The following DLG2 variants were observed in gnomAD, a reference collection of about 807,000 sequenced individuals.
DLG2 encodes the protein disks large homolog 2.
In DLG2, 45 loss-of-function variants were observed where a neutral mutation model predicts 132.5. That is an observed-to-expected ratio of 0.34 (90% CI 0.27 to 0.44). The LOEUF is 0.44. Ranked by LOEUF, DLG2 falls within the 20% of genes least tolerant of loss-of-function variation. DLG2 has a pLI of 1.00. For synonymous variants in DLG2, 424 were observed against 419.6 expected, an observed-to-expected ratio of 1.01 and a Z score of -0.13; for missense variants, 1,045 against 1,196.9, an observed-to-expected ratio of 0.87 and a Z score of 1.87.
At position 84,759,528 on chromosome 11, in the gene DLG2, A is replaced by G. The variant is rs75795077; in HGVS notation, c.358-224797T>C. On this transcript the variant is annotated intron_variant, in intron 6 of 27. Transcript: ENST00000376104. ...GAGGCTTGAGCGTTTATGATAATCT[A>G]TCTTCTTTCATTTAAATCAAACAAT... Among the ~76,000 whole-genome samples, 67 of 152,316 alleles carry G rather than the reference A, an allele frequency of 4.4e-4. No individual in the cohort carries two copies. The East Asian group carries it at 0.011, about 25-fold the overall frequency.
chr11:83,461,974 C>A (rs376645412), intron 27 of DLG2, 28 bp downstream of exon 27: 56 of 1,464,942 alleles, frequency 3.8e-5, no homozygotes, highest in Non-Finnish European at 4.5e-5. Context: ...TCCCCTTTCT[C>A]ACACTACCAG....
chr11:85,354,232 T>C (rs2083517081), intron 3 of DLG2, among the ~76,000 whole-genome samples: 1 of 152,092 alleles, frequency 6.6e-6, no homozygotes, highest in Admixed American at 6.6e-5. Context: ...TCTCATGTCT[T>C]TGAATAATTT....
intron 9 of DLG2, among the ~76,000 whole-genome samples, chr11:84,158,686 G>C (rs1019206369): frequency 3.3e-5 from 5 of 152,178 alleles, no homozygotes; most frequent in African/African-American, 1.2e-4. Context: ...AAAAGTATAA[G>C]CTGTAAATGC....
chr11:84,153,912 G>A (rs2095365637), intron 9 of DLG2, among the ~76,000 whole-genome samples: 1 of 152,212 alleles, frequency 6.6e-6, no homozygotes, highest in Non-Finnish European at 1.5e-5. Context: ...TTTTTGAATT[G>A]CCAGAGTTTA....
At chr11:85,567,577 T>C (rs550988367) in intron 3 of DLG2, among the ~76,000 whole-genome samples, 27 of 152,302 alleles carry the variant, frequency 1.8e-4, no homozygotes, top group African/African-American at 6.5e-4. Context: ...TCATGTAATC[T>C]GGGAATTTAT....
chr11:83,689,923 T>G (rs1199091713), intron 18 of DLG2, among the ~76,000 whole-genome samples: 1 of 144,324 alleles, frequency 6.9e-6, no homozygotes, highest in Non-Finnish European at 1.5e-5. Flanking sequence ...TATTATATAT[T>G]TACATAAATA....
At chr11:85,054,096 C>A (rs765080597) in intron 6 of DLG2, among the ~76,000 whole-genome samples, 2 of 151,756 alleles carry the variant, frequency 1.3e-5, no homozygotes, top group Non-Finnish European at 2.9e-5. Context: ...GAAACCACAT[C>A]TCTAATAAAA....
chr11:85,605,111 A>G (rs1177464889), intron 2 of DLG2, among the ~76,000 whole-genome samples: 1 of 152,222 alleles, frequency 6.6e-6, no homozygotes, highest in East Asian at 1.9e-4. Context: ...TCTATTCAAC[A>G]TTTTTACAGT....
At chr11:83,916,899 G>A (rs1381635758) in intron 15 of DLG2, among the ~76,000 whole-genome samples, 1 of 152,172 alleles carries the variant, frequency 6.6e-6, no homozygotes, top group South Asian at 2.1e-4. Flanking sequence ...TGCTATATCC[G>A]TCACAGACTA....
intron 4 of DLG2, among the ~76,000 whole-genome samples, chr11:85,207,885 T>C (rs1197125975): frequency 6.6e-6 from 1 of 151,774 alleles, no homozygotes; most frequent in Admixed American, 6.6e-5. Flanking sequence ...TGCCCTTTCA[T>C]GCCCTCTACA....
intron 6 of DLG2, among the ~76,000 whole-genome samples, chr11:84,927,859 T>C (rs2047585538): frequency 6.6e-6 from 1 of 151,948 alleles, no homozygotes; most frequent in Non-Finnish European, 1.5e-5. Flanking sequence ...TCAGTGTATG[T>C]TAGGAATTTG....
intron 6 of DLG2, among the ~76,000 whole-genome samples, chr11:84,920,629 A>G (rs1018372347): frequency 1.1e-4 from 16 of 152,226 alleles, no homozygotes; most frequent in African/African-American, 3.9e-4. Flanking sequence ...AACATAGTGC[A>G]TAAATCATAG....
intron 3 of DLG2, among the ~76,000 whole-genome samples, chr11:85,438,503 C>T (rs1353155576): frequency 6.6e-6 from 1 of 152,056 alleles, no homozygotes; most frequent in African/African-American, 2.4e-5. Context: ...ATAGCAAAAA[C>T]CGCAATTACT....
chr11:84,809,202 T>A (rs1447447226), intron 6 of DLG2, among the ~76,000 whole-genome samples: 2 of 151,960 alleles, frequency 1.3e-5, no homozygotes, highest in East Asian at 1.9e-4. Flanking sequence ...TTCATTTCAA[T>A]CTATGCAGAA....
chr11:84,714,623 T>TTCTCTCTCTCTCTCTCTCTCTCTCTC (rs1284319609), intron 6 of DLG2, among the ~76,000 whole-genome samples: 1 of 104,994 alleles, frequency 9.5e-6, no homozygotes, highest in African/African-American at 4.3e-5. Flanking sequence ...CTCTTTCTCT[T>TTCTCTCTCTCTCTCTCTCTCTCTCTC]TCTCTCTCTC....
chr11:84,817,161 ACT>A lies in DLG2; in HGVS notation c.358-282432_358-282431del, dbSNP rs1598790917. On this transcript the variant is annotated intron_variant, in intron 6 of 27. Coordinates refer to ENST00000376104, the MANE Select transcript of DLG2 (RefSeq NM_001142699.3). ...AGCAATCTTTTAAAAGAGGACAAGC[ACT>A]CTCTCTGATTGGTGCCTAATTTGAT... 2.0e-5 allele frequency among the ~76,000 whole-genome samples: 3 copies of A among 151,956 alleles called. No homozygotes were observed. In the East Asian group the frequency reaches 5.8e-4, roughly 29 times the overall value.
At chr11:85,122,953 ATATATATATATATATATTTTTTTTT>A (rs2074536822) in intron 5 of DLG2, among the ~76,000 whole-genome samples, 1 of 32,550 alleles carries the variant, frequency 3.1e-5, no homozygotes, top group African/African-American at 1.4e-4. Context: ...TATATATTAT[ATATATATATATATATATTTTTTTTT>A]TTTTTTTTTT....
At chr11:85,268,318 C>T (rs926756048) in intron 4 of DLG2, among the ~76,000 whole-genome samples, 1 of 152,166 alleles carries the variant, frequency 6.6e-6, no homozygotes, top group Non-Finnish European at 1.5e-5. Context: ...AAGAATGCAA[C>T]CATTAGTCTC....
chr11:84,752,947 T>G (rs982318646), intron 6 of DLG2, among the ~76,000 whole-genome samples: 2 of 152,028 alleles, frequency 1.3e-5, no homozygotes, highest in Non-Finnish European at 2.9e-5. Flanking sequence ...ATGTGCCACA[T>G]TTTCTTAATC....
Sources: allele counts gnomAD v4.1 joint callset (sites outside exome capture counted in the v4.1 genomes callset), GRCh38; gene constraint gnomAD v4.1.1; transcripts MANE v1.5; gene names NCBI Gene and HGNC (gene_info 2026-07-23, HGNC 2026-07-21).